The following KCNV1 variants were observed in gnomAD, a reference collection of about 807,000 sequenced individuals.
KCNV1 encodes potassium voltage-gated channel modifier subfamily V member 1.
Under a neutral mutation model 36.4 loss-of-function variants are expected in KCNV1, and 2 were observed. The observed-to-expected ratio is 0.05, with a 90% CI of 0.02 to 0.17. The LOEUF is 0.17. Ranked by LOEUF, KCNV1 falls within the 10% of genes least tolerant of loss-of-function variation. KCNV1 has a pLI of 1.00. For missense variants in KCNV1, 321 were observed against 643.6 expected, an observed-to-expected ratio of 0.50 and a Z score of 5.42; for synonymous variants, 280 against 261.1, an observed-to-expected ratio of 1.07 and a Z score of -0.70.
At chr8:109,973,278 G>A (rs924644872) in intron 2 of KCNV1, among the ~76,000 whole-genome samples, 6 of 152,120 alleles carry the variant, frequency 3.9e-5, no homozygotes, top group African/African-American at 1.2e-4. Flanking sequence ...CACCACGACC[G>A]GCCTGGATTA....
At position 109,972,368 on chromosome 8, in the gene KCNV1, C is replaced by A. The variant is rs772251494; in HGVS notation, c.881G>T (p.Ser294Ile). 2.5e-6 allele frequency: 4 copies of A among 1,614,172 alleles called. No homozygotes were observed. In the South Asian group the frequency reaches 4.4e-5, roughly 18 times the overall value. ...LPFYITLLVE[S>I]LSGSQTTQEL... ...CTGCGTGGTCTGGCTCCCACTTAGG[C>A]TCTCTACCAGAAGAGTGATGTAGAA... is the stretch of plus-strand genomic sequence containing the variant. Residue 294 changes from serine (S) to isoleucine (I), a missense_variant, in exon 3 of 4, where the codon AGC (serine) becomes ATC (isoleucine). By Grantham distance (142) the Ser-to-Ile change is moderately radical (BLOSUM62 -2). This residue lies in a region of KCNV1 where 141 missense variants were observed against 225.0 expected (regional missense o/e 0.63). Coordinates refer to ENST00000524391, the MANE Select transcript of KCNV1 (RefSeq NM_014379.4). The surrounding 1 kb of genome is among the most constrained non-coding windows in gnomAD (Gnocchi z 5.2).
chr8:109,968,075 A>G lies in KCNV1; in HGVS notation c.*13T>C. On this transcript the variant is annotated 3_prime_UTR_variant, in exon 4 of 4. Transcript: ENST00000524391. This position sits in a 1 kb window ranked among gnomAD's most constrained non-coding sequence, Gnocchi z 5.3. ...AATTGTACATAGCTTTTGTAAATAA[A>G]TTGAAAATTAATTCAAAACCAGAAA... 1 of 1,597,234 alleles carries G rather than the reference A, an allele frequency of 6.3e-7. No individual in the cohort carries two copies.
Position 109,972,710 on chromosome 8 carries a change from C to T in KCNV1, c.539G>A (p.Ser180Asn). 6.2e-7 allele frequency: 1 copy of T among 1,614,154 alleles called. No homozygotes were observed. Among genetic ancestry groups the T allele is most frequent in the Non-Finnish European group, 8.5e-7 (1 of 1,179,980 alleles). Residue 180 changes from serine to asparagine, a missense_variant, in exon 3 of 4, where the codon AGT becomes AAT. Coordinates refer to ENST00000524391, the MANE Select transcript of KCNV1 (RefSeq NM_014379.4). This position sits in a 1 kb window ranked among gnomAD's most constrained non-coding sequence, Gnocchi z 5.2. ...DTEDQESQHESEQDFSQGPCP... is the reference protein window; with the variant it reads ...DTEDQESQHENEQDFSQGPCP... ...AGGTCCTTGGGAGAAGTCCTGTTCA[C>T]TCTCATGTTGACTTTCCTGGTCTTC...
intron 3 of KCNV1, among the ~76,000 whole-genome samples, chr8:109,971,839 A>G (rs369717885): frequency 6.6e-6 from 1 of 152,152 alleles, no homozygotes; most frequent in African/African-American, 2.4e-5. Flanking sequence ...TGTGGCAAGC[A>G]CTTCTCGGAT....
chr8:109,966,928 T>G lies in KCNV1; in HGVS notation c.*1160A>C, dbSNP rs746325379. The G allele has an allele frequency of 1.3e-5, 2 of 152,190 alleles. No homozygotes were observed. Among genetic ancestry groups the G allele is most frequent in the Non-Finnish European group, 2.9e-5 (2 of 68,000 alleles). 9.4% of individuals were successfully genotyped at this position (152,190 alleles called of 1,614,324 possible). A position where few individuals can be genotyped will look rare whatever the true frequency, so the allele number is the denominator to read the frequency against. On this transcript the variant is annotated 3_prime_UTR_variant, in exon 4 of 4. Transcript: ENST00000524391. ...TCTATTATATTGGAAATGTAGGTAT[T>G]AAAGTGATGCATTCCTTGTTATTCT... is the stretch of plus-strand genomic sequence containing the variant.
Position 109,974,392 on chromosome 8 carries a change from T to C in KCNV1, c.-4A>G. On this transcript the variant is annotated 5_prime_UTR_variant, in exon 2 of 4. Transcript: ENST00000524391. This position sits in a 1 kb window ranked among gnomAD's most constrained non-coding sequence, Gnocchi z 6.2. ...GCGCTCTGCCGCTGGAAGGCATCTC[T>C]AACCCAGTCGCCGCGGCCTGAGGGC... The C allele has an allele frequency of 6.8e-7, 1 of 1,466,830 alleles. No individual in the cohort carries two copies. The highest frequency in any genetic ancestry group is 1.3e-5 in the South Asian group (1 of 74,568). The allele number at this position is 1,466,830 out of a possible 1,614,324, so 90.9% of individuals were successfully genotyped here.
Position 109,972,295 on chromosome 8 carries a change from C to T in KCNV1, c.954G>A (p.Arg318=), listed in dbSNP as rs1215209495. The change falls in exon 3 of 4, where the codon AGG becomes AGA. Residue 318 remains arginine (R), a synonymous_variant. Coordinates refer to ENST00000524391, the MANE Select transcript of KCNV1 (RefSeq NM_014379.4). This position sits in a 1 kb window ranked among gnomAD's most constrained non-coding sequence, Gnocchi z 5.2. ...TGCCCAGCTTTAGCATGCGCAGAGC[C>T]CTGAGCAGCCTCAACACCTGGACAA... ...GRIVQVLRLL[R]ALRMLKLGRH... is the part of the protein sequence containing the mutation. 1.9e-6 allele frequency: 3 copies of T among 1,612,610 alleles called. No individual in the cohort carries two copies. The highest frequency in any genetic ancestry group is 3.3e-5 in the Admixed American group (2 of 59,894).
Position 109,974,978 on chromosome 8 carries a change from C to A in KCNV1, c.-590G>T, listed in dbSNP as rs1820062927. On this transcript the variant is annotated 5_prime_UTR_variant, in exon 2 of 4. Coordinates refer to ENST00000524391, the MANE Select transcript of KCNV1 (RefSeq NM_014379.4). This position sits in a 1 kb window ranked among gnomAD's most constrained non-coding sequence, Gnocchi z 6.2. Reference sequence around the variant, plus strand: ...GTTCAGAAAGCAAAGGAAGTGGTAACCGGGTCCCTTCCAACTTGAGAATTT... The same window carrying A: ...GTTCAGAAAGCAAAGGAAGTGGTAAACGGGTCCCTTCCAACTTGAGAATTT... The A allele has an allele frequency of 6.5e-6, 1 of 153,086 alleles. No individual in the cohort carries two copies. Among genetic ancestry groups the A allele is most frequent in the Admixed American group, 6.5e-5 (1 of 15,350 alleles). 9.5% of individuals were successfully genotyped at this position (153,086 alleles called of 1,614,324 possible).
At position 109,967,086 on chromosome 8, in the gene KCNV1, A is replaced by G. The variant is rs1220053791; in HGVS notation, c.*1002T>C. 1 of 152,186 alleles carries G rather than the reference A, an allele frequency of 6.6e-6. No individual in the cohort carries two copies. Among genetic ancestry groups the G allele is most frequent in the African/African-American group, 2.4e-5 (1 of 41,462 alleles). 9.4% of individuals were successfully genotyped at this position (152,186 alleles called of 1,614,324 possible). A position where few individuals can be genotyped will look rare whatever the true frequency, so the allele number is the denominator to read the frequency against. On this transcript the variant is annotated 3_prime_UTR_variant, in exon 4 of 4. Coordinates refer to ENST00000524391, the MANE Select transcript of KCNV1 (RefSeq NM_014379.4). Reference sequence around the variant, plus strand: ...TATGATGAATGTCAAAATGCCTGCAAAGTTTGAACATTTGCTATTTACCCC... The same window carrying G: ...TATGATGAATGTCAAAATGCCTGCAGAGTTTGAACATTTGCTATTTACCCC...
intron 3 of KCNV1, among the ~76,000 whole-genome samples, chr8:109,969,836 C>T (rs1490214327): frequency 6.8e-6 from 1 of 146,848 alleles, no homozygotes; most frequent in African/African-American, 2.6e-5. Flanking sequence ...TAGAATGAGA[C>T]TCCCTCTCAA....
rs185137052 is a variant in KCNV1, at chr8:109,969,304, A to G, written c.992-705T>C. Among the ~76,000 whole-genome samples, 588 of 152,280 alleles carry G rather than the reference A, an allele frequency of 3.9e-3. 4 individuals carry two copies. Among genetic ancestry groups the G allele is most frequent in the African/African-American group, 0.012 (519 of 41,556 alleles). ...ACCCACTGAAACCCTACTCCTTAAT[A>G]CCAAAGCTGTAAGAAATTATCTCCC... On this transcript the variant is annotated intron_variant, in intron 3 of 3. Coordinates refer to ENST00000524391, the MANE Select transcript of KCNV1 (RefSeq NM_014379.4).
Position 109,974,426 on chromosome 8 carries a change from G to T in KCNV1, c.-38C>A. 1 of 1,384,720 alleles carries T rather than the reference G, an allele frequency of 7.2e-7. No individual in the cohort carries two copies. The allele number at this position is 1,384,720 out of a possible 1,614,324, so 85.8% of individuals were successfully genotyped here. On this transcript the variant is annotated 5_prime_UTR_variant, in exon 2 of 4. Coordinates refer to ENST00000524391, the MANE Select transcript of KCNV1 (RefSeq NM_014379.4). The surrounding 1 kb of genome is among the most constrained non-coding windows in gnomAD (Gnocchi z 6.2). The stretch of plus-strand genomic sequence containing the variant: ...CGCCGCGGCCTGAGGGCGCCACAAA[G>T]TTGGGGACACGCCGGAAGCTTTGGT...
Position 109,974,484 on chromosome 8 carries a change from G to A in KCNV1, c.-96C>T. 2.2e-6 allele frequency: 2 copies of A among 900,896 alleles called. No homozygotes were observed. The highest frequency in any genetic ancestry group is 3.3e-6 in the Non-Finnish European group (2 of 612,754). 55.8% of individuals were successfully genotyped at this position (900,896 alleles called of 1,614,324 possible). ...GGGCGGTGGCACGGCCCCTGGTGGCGGCCGGGATTCCCCGGGCTCCCGAAG... is the reference window on the plus strand; with the variant it reads ...GGGCGGTGGCACGGCCCCTGGTGGCAGCCGGGATTCCCCGGGCTCCCGAAG... On this transcript the variant is annotated 5_prime_UTR_variant, in exon 2 of 4. Coordinates refer to ENST00000524391, the MANE Select transcript of KCNV1 (RefSeq NM_014379.4). The surrounding 1 kb of genome is among the most constrained non-coding windows in gnomAD (Gnocchi z 6.2).
In KCNV1 at chr8:109,968,637, T is replaced by C; in HGVS notation, c.992-38A>G. 6.5e-7 allele frequency: 1 copy of C among 1,545,442 alleles called. No homozygotes were observed. ...AAATGCTGTCAGTCATTGGCATCCC[T>C]CTTCTCTCTCTTCCTTCCCTCCCCT... On this transcript the variant is annotated intron_variant, in intron 3 of 3. Transcript: ENST00000524391. The surrounding 1 kb of genome is among the most constrained non-coding windows in gnomAD (Gnocchi z 5.3).
In KCNV1 at chr8:109,968,548, A is replaced by T; in HGVS notation, c.1043T>A (p.Leu348Gln). 7 of 1,605,202 alleles carry T rather than the reference A, an allele frequency of 4.4e-6. No homozygotes were observed. Among genetic ancestry groups the T allele is most frequent in the Non-Finnish European group, 6.0e-6 (7 of 1,172,626 alleles). The change falls in exon 4 of 4, where the codon CTA becomes CAA. Residue 348 changes from leucine to glutamine, a missense_variant. Leu to Gln is a moderately radical substitution (Grantham distance 113). Transcript: ENST00000524391. This position sits in a 1 kb window ranked among gnomAD's most constrained non-coding sequence, Gnocchi z 5.3. ...TITQCYEEVG[L>Q]LLLFLSVGIS... ...TCCCACGGATAGAAATAGGAGCAGTAGGCCGACTTCTTCGTAACACTGGGT... is the reference window on the plus strand; with the variant it reads ...TCCCACGGATAGAAATAGGAGCAGTTGGCCGACTTCTTCGTAACACTGGGT...
rs1030119362 is a variant in KCNV1, at chr8:109,974,155, G to A, written c.234C>T (p.Pro78=). The A allele has an allele frequency of 1.2e-6, 2 of 1,605,050 alleles. No individual in the cohort carries two copies. The highest frequency in any genetic ancestry group is 1.7e-6 in the Non-Finnish European group (2 of 1,176,414). Reference sequence around the variant, plus strand: ...GGCTGGGCACGGCGGCCAGGGCCCCGGGGCGGCGGTAGGAAGCCACCACCA... The same window carrying A: ...GGCTGGGCACGGCGGCCAGGGCCCCAGGGCGGCGGTAGGAAGCCACCACCA... ...LAVVVASYRR[P]GALAAVPSPL... The change falls in exon 2 of 4, where the codon CCC becomes CCT. Residue 78 remains proline, a synonymous_variant. Coordinates refer to ENST00000524391, the MANE Select transcript of KCNV1 (RefSeq NM_014379.4). The surrounding 1 kb of genome is among the most constrained non-coding windows in gnomAD (Gnocchi z 6.2).
In KCNV1 at chr8:109,969,307, A is replaced by G. The variant is rs117476726; in HGVS notation, c.992-708T>C. Among the ~76,000 whole-genome samples, 200 of 152,298 alleles carry G rather than the reference A, an allele frequency of 1.3e-3. 2 individuals are homozygous for G. Among genetic ancestry groups the G allele is most frequent in the Non-Finnish European group, 2.4e-3 (161 of 68,016 alleles). ...CACTGAAACCCTACTCCTTAATACCAAAGCTGTAAGAAATTATCTCCCTTG... is the reference window on the plus strand; with the variant it reads ...CACTGAAACCCTACTCCTTAATACCGAAGCTGTAAGAAATTATCTCCCTTG... On this transcript the variant is annotated intron_variant, in intron 3 of 3. Coordinates refer to ENST00000524391, the MANE Select transcript of KCNV1 (RefSeq NM_014379.4).
At position 109,964,576 on chromosome 8, in the gene KCNV1, A is replaced by G. The variant is rs933752571; in HGVS notation, c.*3512T>C. On this transcript the variant is annotated 3_prime_UTR_variant, in exon 4 of 4. Coordinates refer to ENST00000524391, the MANE Select transcript of KCNV1 (RefSeq NM_014379.4). ...TCAATGCAGCATTATTCACAGTAGC[A>G]AAGACATGGAATAAACCTAAATGCC... The G allele has an allele frequency of 6.6e-6, 1 of 152,262 alleles. No individual in the cohort carries two copies. Among genetic ancestry groups the G allele is most frequent in the Non-Finnish European group, 1.5e-5 (1 of 68,058 alleles). The allele number at this position is 152,262 out of a possible 1,614,324, so 9.4% of individuals were successfully genotyped here.
chr8:109,973,864 T>C (rs1820043837), intron 2 of KCNV1, 64 bp downstream of exon 2: 7 of 1,129,592 alleles, frequency 6.2e-6, no homozygotes, highest in Non-Finnish European at 1.2e-6. Context: ...AATCTACCTG[T>C]GCCTTCCTCT....
Sources: gnomAD v4.1 joint callset for allele counts (sites outside exome capture counted in the v4.1 genomes callset) on GRCh38, gnomAD v4.1.1 for gene constraint, gnomAD v4.1.1 regional missense constraint, Gnocchi (gnomAD v3.1) non-coding constraint, MANE v1.5 for transcripts, NCBI Gene and HGNC (gene_info 2026-07-23, HGNC 2026-07-21) for gene names.